Variants in GLT6D1 observed in about 807,000 individuals in gnomAD.
GLT6D1 encodes the protein glycosyltransferase 6 domain containing 1.
A neutral mutation model predicts 12.3 loss-of-function variants in GLT6D1; 9 were observed. The observed-to-expected ratio is 0.73, with a 90% CI of 0.44 to 1.27. The LOEUF (loss-of-function observed/expected upper bound fraction) is 1.27. GLT6D1 is among the 50% of genes most tolerant of loss of function. The pLI, the probability that GLT6D1 is intolerant of heterozygous loss-of-function variation, is 0.00. For synonymous variants in GLT6D1, 128 were observed against 132.3 expected (o/e 0.97, Z 0.23); for missense variants, 335 against 346.2 (o/e 0.97, Z 0.26).
chr9:135,627,147 A>G (rs1833541484), intron 3 of GLT6D1, among the ~76,000 whole-genome samples: 2 of 152,218 alleles, frequency 1.3e-5, no homozygotes, highest in Admixed American at 1.3e-4. Context: ...AAGAAAATGA[A>G]ATAAAAGCCA....
chr9:135,627,218 T>C (rs1247508467), intron 3 of GLT6D1, among the ~76,000 whole-genome samples: 3 of 135,446 alleles, frequency 2.2e-5, no homozygotes, highest in African/African-American at 5.4e-5. Context: ...ATTGTCTACA[T>C]AGAAAATCCT....
chr9:135,627,946 G>A (rs1297918819), intron 3 of GLT6D1, among the ~76,000 whole-genome samples: 1 of 151,928 alleles, frequency 6.6e-6, no homozygotes, highest in African/African-American at 2.4e-5. Context: ...AATAAAGTTG[G>A]GCATCTTTTC....
chr9:135,639,227 G>T, intron 1 of GLT6D1, 34 bp from the exon 2 acceptor site: 2 of 1,231,726 alleles, frequency 1.6e-6, no homozygotes, highest in Non-Finnish European at 2.4e-6. Context: ...TAGATTTTAA[G>T]CAATAAAAAA....
Position 135,626,157 on chromosome 9 carries a change from A to G in GLT6D1, c.169T>C (p.Trp57Arg). 3.7e-6 allele frequency: 6 copies of G among 1,614,006 alleles called. No individual in the cohort carries two copies. The highest frequency in any genetic ancestry group is 5.1e-6 in the Non-Finnish European group (6 of 1,179,956). Reference protein sequence around the residue: ...TKTDWLAPVLWEGTFDRRVLE... With the variant: ...TKTDWLAPVLREGTFDRRVLE... Reference sequence around the variant, plus strand: ...ACCCGCCTGTCGAAAGTCCCTTCCCATAGGACAGGAGCGAGCCAGTCTGTT... The same window carrying G: ...ACCCGCCTGTCGAAAGTCCCTTCCCGTAGGACAGGAGCGAGCCAGTCTGTT... The change falls in exon 4 of 5, where the codon TGG becomes CGG. Residue 57 changes from tryptophan (W) to arginine (R), a missense_variant. Coordinates refer to ENST00000371763, the MANE Select transcript of GLT6D1 (RefSeq NM_182974.3).
upstream of GLT6D1, among the ~76,000 whole-genome samples, chr9:135,640,906 G>A (rs1833879603): frequency 6.6e-6 from 1 of 152,110 alleles, no homozygotes; most frequent in Non-Finnish European, 1.5e-5. Flanking sequence ...GATGGGGTAA[G>A]ACAGGCCCAT....
upstream of GLT6D1, among the ~76,000 whole-genome samples, chr9:135,639,870 G>C (rs1050495376): frequency 2.1e-5 from 3 of 144,594 alleles, no homozygotes; most frequent in African/African-American, 2.6e-5. Context: ...TTGAGATGGA[G>C]TCTCATTCTG....
At chr9:135,633,175 C>T (rs1481551418) in intron 2 of GLT6D1, among the ~76,000 whole-genome samples, 2 of 152,222 alleles carry the variant, frequency 1.3e-5, no homozygotes, top group African/African-American at 4.8e-5. Context: ...CCCCTCCAGC[C>T]TTGCTTTGCA....
At chr9:135,631,519 T>C in intron 2 of GLT6D1, 41 bp from the exon 3 acceptor site, 9 of 1,480,408 alleles carry the variant, frequency 6.1e-6, no homozygotes, top group Non-Finnish European at 7.6e-6. Flanking sequence ...AAGGAGCCTG[T>C]TCAATGTTTA....
chr9:135,631,392 T>A, intron 3 of GLT6D1, 39 bp downstream of exon 3: 1 of 1,495,384 alleles, frequency 6.7e-7, no homozygotes, highest in Non-Finnish European at 9.3e-7. Flanking sequence ...TGAAGTATAT[T>A]GTTTGTGTGT....
Position 135,626,186 on chromosome 9 carries a change from G to A in GLT6D1, c.140C>T (p.Thr47Met). ...FHPRKRPDVI[T>M]KTDWLAPVLW... is the part of the protein sequence containing the mutation. ...GACAGGAGCGAGCCAGTCTGTTTTC[G>A]TTATAACATCAGGGCGTTTTCTGTG... The change falls in exon 4 of 5, where the codon ACG (threonine) becomes ATG (methionine). Residue 47 changes from threonine (T) to methionine (M), a missense_variant. Coordinates refer to ENST00000371763, the MANE Select transcript of GLT6D1 (RefSeq NM_182974.3). 6.2e-7 allele frequency: 1 copy of A among 1,613,872 alleles called. No homozygotes were observed. The highest frequency in any genetic ancestry group is 8.5e-7 in the Non-Finnish European group (1 of 1,179,958).
upstream of GLT6D1, among the ~76,000 whole-genome samples, chr9:135,640,400 T>C (rs1255269159): frequency 2.0e-5 from 3 of 152,212 alleles, no homozygotes; most frequent in African/African-American, 7.2e-5. Context: ...GTTTGTAATG[T>C]GGCTACTAGG....
chr9:135,631,993 C>T (rs769816817), intron 2 of GLT6D1, among the ~76,000 whole-genome samples: 3 of 152,164 alleles, frequency 2.0e-5, no homozygotes, highest in Non-Finnish European at 2.9e-5. Context: ...CCACCTCAAC[C>T]TCCAAAGTAT....
At chr9:135,634,025 A>T (rs1046872881) in intron 2 of GLT6D1, among the ~76,000 whole-genome samples, 1 of 152,206 alleles carries the variant, frequency 6.6e-6, no homozygotes, top group East Asian at 1.9e-4. Flanking sequence ...CAAACAGAGC[A>T]TCTGAAACTC....
At chr9:135,626,699 G>T (rs927641064) in intron 3 of GLT6D1, among the ~76,000 whole-genome samples, 6 of 151,938 alleles carry the variant, frequency 3.9e-5, no homozygotes, top group Non-Finnish European at 8.8e-5. Flanking sequence ...TTTCCTACAA[G>T]TTTCTGGGGA....
intron 2 of GLT6D1, among the ~76,000 whole-genome samples, chr9:135,635,657 A>T (rs1280080789): frequency 6.6e-6 from 1 of 152,242 alleles, no homozygotes. Flanking sequence ...TCTGGGTACC[A>T]GGTGTGCTCA....
At chr9:135,640,634 C>T (rs1485376343), upstream of GLT6D1, among the ~76,000 whole-genome samples, 1 of 151,932 alleles carries the variant, frequency 6.6e-6, no homozygotes, top group East Asian at 1.9e-4. Flanking sequence ...GCAGCAGAAT[C>T]GCTTGAACCC....
chr9:135,624,553 C>A lies in GLT6D1; in HGVS notation c.375G>T (p.Glu125Asp). 6.2e-7 allele frequency: 1 copy of A among 1,613,950 alleles called. No individual in the cohort carries two copies. Among genetic ancestry groups the A allele is most frequent in the South Asian group, 1.1e-5 (1 of 91,074 alleles). ...CTTTGAACGTTCGAAGAGGACTGGG[C>A]TCTATGTCAGGCAGCTTGAAGAAGG... Reference protein sequence around the residue: ...VDAFFKLPDIEPSPLRTFKAF... With the variant: ...VDAFFKLPDIDPSPLRTFKAF... The change falls in exon 5 of 5, where the codon GAG becomes GAT. Residue 125 changes from glutamate to aspartate, a missense_variant. Physicochemically the swap from Glu to Asp is conservative, Grantham distance 45 (BLOSUM62 2). Transcript: ENST00000371763.
At chr9:135,627,178 A>AG (rs888266314) in intron 3 of GLT6D1, among the ~76,000 whole-genome samples, 3 of 152,228 alleles carry the variant, frequency 2.0e-5, no homozygotes, top group African/African-American at 7.2e-5. Flanking sequence ...AAGGAAAAAA[A>AG]CAACACCGTC....
intron 2 of GLT6D1, among the ~76,000 whole-genome samples, chr9:135,633,457 C>A (rs898318208): frequency 6.6e-6 from 1 of 151,756 alleles, no homozygotes; most frequent in Non-Finnish European, 1.5e-5. Flanking sequence ...TTAGTAGACA[C>A]GGGGCCAGGC....
Sources: gnomAD v4.1 joint callset for allele counts (sites outside exome capture counted in the v4.1 genomes callset) on GRCh38, gnomAD v4.1.1 for gene constraint, MANE v1.5 for transcripts, NCBI Gene and HGNC (gene_info 2026-07-23, HGNC 2026-07-21) for gene names.